The following SRBD1 variants were observed in gnomAD, a reference collection of about 807,000 sequenced individuals.
The protein encoded by SRBD1 is S1 RNA-binding domain-containing protein 1.
Under a neutral mutation model 115.3 loss-of-function variants are expected in SRBD1, and 88 were observed. The ratio of observed to expected loss-of-function variants is 0.76; its 90% CI spans 0.64 to 0.91. The LOEUF is 0.91. SRBD1 is among the 40% of genes least tolerant of loss of function. The pLI is 0.00. For synonymous variants in SRBD1, 509 were observed against 407.7 expected (o/e 1.25, Z -2.99); for missense variants, 1,385 against 1,177.4 (o/e 1.18, Z -2.58).
chr2:45,473,814 A>G (rs962241808), intron 16 of SRBD1, among the ~76,000 whole-genome samples: 2 of 152,210 alleles, frequency 1.3e-5, no homozygotes, highest in African/African-American at 4.8e-5. Flanking sequence ...TTCTGCATTC[A>G]TAAGGTGTTT....
chr2:45,490,216 T>C (rs958721613), intron 14 of SRBD1, among the ~76,000 whole-genome samples: 1 of 152,120 alleles, frequency 6.6e-6, no homozygotes, highest in Non-Finnish European at 1.5e-5. Context: ...TAAAACTAAA[T>C]TAAGAAGTGA....
At chr2:45,523,111 C>A (rs1359110816) in intron 14 of SRBD1, among the ~76,000 whole-genome samples, 1 of 151,596 alleles carries the variant, frequency 6.6e-6, no homozygotes, top group African/African-American at 2.4e-5. Flanking sequence ...TGAAAAAGGA[C>A]ATTAGAAAAT....
chr2:45,441,607 C>T (rs1161869531), intron 16 of SRBD1, among the ~76,000 whole-genome samples: 1 of 152,144 alleles, frequency 6.6e-6, no homozygotes, highest in Non-Finnish European at 1.5e-5. Flanking sequence ...AGTAGCTACT[C>T]AATAAATTGG....
At chr2:45,571,537 A>AAAAAAAAAAAAAAAAAC (rs1553356650) in intron 9 of SRBD1, among the ~76,000 whole-genome samples, 5 of 143,884 alleles carry the variant, frequency 3.5e-5, no homozygotes, top group East Asian at 2.2e-4. Context: ...AAAAAAAAAA[A>AAAAAAAAAAAAAAAAAC]AAAAACTGTC....
At chr2:45,548,855 C>G (rs1313206956) in intron 12 of SRBD1, 1 of 152,260 alleles carries the variant, frequency 6.6e-6, no homozygotes, top group African/African-American at 2.4e-5. Context: ...AACCCCCACC[C>G]TCCAAAAAAG....
chr2:45,506,903 G>C (rs1002951146), intron 14 of SRBD1, among the ~76,000 whole-genome samples: 2 of 152,126 alleles, frequency 1.3e-5, no homozygotes, highest in Non-Finnish European at 2.9e-5. Context: ...ATTTTGATAT[G>C]ATTTCCATGT....
intron 12 of SRBD1, among the ~76,000 whole-genome samples, chr2:45,549,355 T>C (rs1307980927): frequency 4.0e-5 from 6 of 150,626 alleles, no homozygotes; most frequent in Non-Finnish European, 8.9e-5. Flanking sequence ...AGATATACAG[T>C]GAGAACAACT....
intron 14 of SRBD1, among the ~76,000 whole-genome samples, chr2:45,509,923 C>T (rs1048391481): frequency 6.6e-6 from 1 of 152,074 alleles, no homozygotes; most frequent in Non-Finnish European, 1.5e-5. Context: ...TCAGTAGAGA[C>T]AAGGTCTCAC....
intron 15 of SRBD1, among the ~76,000 whole-genome samples, chr2:45,477,742 C>A (rs907486041): frequency 3.9e-5 from 6 of 152,100 alleles, no homozygotes; most frequent in Admixed American, 1.3e-4. Flanking sequence ...AACCAGAGAT[C>A]AAGTTACTTG....
chr2:45,585,699 T>G lies in SRBD1; in HGVS notation c.724A>C (p.Ile242Leu). The G allele has an allele frequency of 1.9e-6, 3 of 1,612,670 alleles. No homozygotes were observed. In the South Asian group the frequency reaches 3.3e-5, roughly 18 times the overall value. ...IIRLFNDDNTIPFIIRYRKEL... is the reference protein window; with the variant it reads ...IIRLFNDDNTLPFIIRYRKEL... ...TTTCTATAACGTATAATGAAGGGAA[T>G]TGTGTTATCATCATTAAAGAGACGA... The change falls in exon 5 of 21, where the codon ATT becomes CTT. Residue 242 changes from isoleucine (I) to leucine (L), a missense_variant. Physicochemically the swap from Ile to Leu is conservative, Grantham distance 5 (BLOSUM62 2). Transcript: ENST00000263736.
At chr2:45,405,717 T>C (rs1302059920) in intron 19 of SRBD1, among the ~76,000 whole-genome samples, 1 of 151,466 alleles carries the variant, frequency 6.6e-6, no homozygotes, top group African/African-American at 2.4e-5. Context: ...TGGTAGAAGG[T>C]TGGTAAGTTG....
At chr2:45,401,273 G>A (rs1667285647) in intron 19 of SRBD1, among the ~76,000 whole-genome samples, 1 of 152,084 alleles carries the variant, frequency 6.6e-6, no homozygotes, top group African/African-American at 2.4e-5. Flanking sequence ...TAGAGAGACT[G>A]CTGTATCTTT....
chr2:45,542,636 A>C (rs1671981911), intron 14 of SRBD1, among the ~76,000 whole-genome samples: 1 of 152,238 alleles, frequency 6.6e-6, no homozygotes, highest in African/African-American at 2.4e-5. Flanking sequence ...AAAGCTTGAC[A>C]GTTTCTTAAG....
rs919056766 is a variant in SRBD1 at position 45,571,171 on chromosome 2, T to A, written c.1305+2036A>T. 3.9e-5 allele frequency among the ~76,000 whole-genome samples: 6 copies of A among 152,222 alleles called. No individual in the cohort carries two copies. In the East Asian group the frequency reaches 9.7e-4, roughly 25 times the overall value. Reference sequence around the variant, plus strand: ...GAAAAGGCTACGGCAGAGCTGTTAATGGCCTCACTAAGTGTTGAAGGAGTG... The same window carrying A: ...GAAAAGGCTACGGCAGAGCTGTTAAAGGCCTCACTAAGTGTTGAAGGAGTG... On this transcript the variant is annotated intron_variant, in intron 9 of 20. Transcript: ENST00000263736.
At chr2:45,545,885 CTAGAATTCTTCCTGTGT>C (rs1157191989) in intron 14 of SRBD1, among the ~76,000 whole-genome samples, 1 of 152,178 alleles carries the variant, frequency 6.6e-6, no homozygotes, top group African/African-American at 2.4e-5. Context: ...TACACAAATC[CTAGAATTCTTCCTGTGT>C]TAGGTTTTAC....
chr2:45,533,635 G>C (rs1235284786), intron 14 of SRBD1, among the ~76,000 whole-genome samples: 4 of 151,936 alleles, frequency 2.6e-5, no homozygotes, highest in African/African-American at 9.7e-5. Flanking sequence ...GGAGTATCTA[G>C]GAGTGTAAAA....
intron 4 of SRBD1, among the ~76,000 whole-genome samples, chr2:45,597,461 C>T (rs1055257125): frequency 6.6e-6 from 1 of 151,668 alleles, no homozygotes. Flanking sequence ...ACAGAAGCAA[C>T]TGGTTAGTCT....
intron 16 of SRBD1, among the ~76,000 whole-genome samples, chr2:45,456,140 CTTGT>C (rs1669145771): frequency 6.6e-6 from 1 of 151,838 alleles, no homozygotes. Context: ...TGGGGGAAAG[CTTGT>C]TTAACTGAAA....
intron 16 of SRBD1, chr2:45,447,832 A>G (rs1280581174): frequency 3.9e-5 from 6 of 152,332 alleles, no homozygotes; most frequent in Non-Finnish European, 5.9e-5. Flanking sequence ...ATAATTTTAT[A>G]TAAGTGTACC....
Sources: allele counts gnomAD v4.1 joint callset (sites outside exome capture counted in the v4.1 genomes callset), GRCh38; gene constraint gnomAD v4.1.1; transcripts MANE v1.5; gene names NCBI Gene and HGNC (gene_info 2026-07-23, HGNC 2026-07-21).